RYR2: variants seen among roughly 807,000 people sequenced by gnomAD.
The protein encoded by RYR2 is cardiac muscle ryanodine receptor-calcium release channel.
In RYR2, 227 loss-of-function variants were observed where a neutral mutation model predicts 601.1. The observed-to-expected ratio is 0.38, with a 90% confidence interval of 0.34 to 0.42. The LOEUF (loss-of-function observed/expected upper bound fraction) is 0.42, where lower values mean the gene tolerates loss of function less well. Among genes scored for constraint, RYR2 ranks in the 10% least tolerant of loss-of-function variants. RYR2 has a pLI of 1.00. For synonymous variants in RYR2, 2,223 were observed against 2,175.1 expected (o/e 1.02, Z -0.61); for missense variants, 4,646 against 6,156.5 (o/e 0.75, Z 8.21).
At chr1:237,531,104 A>G (rs868222781) in intron 25 of RYR2, among the ~76,000 whole-genome samples, 24 of 152,290 alleles carry the variant, frequency 1.6e-4, no homozygotes, top group Middle Eastern at 6.8e-3. Context: ...AGGTATCCAT[A>G]TTTCTAAATG....
intron 16 of RYR2, among the ~76,000 whole-genome samples, chr1:237,460,007 G>A (rs1387754731): frequency 2.6e-5 from 4 of 152,084 alleles, no homozygotes; most frequent in Non-Finnish European, 5.9e-5. Context: ...GGGGATTTTG[G>A]GGCTTGCACA....
At chr1:237,316,597 G>A (rs1464993966) in intron 2 of RYR2, among the ~76,000 whole-genome samples, 1 of 152,148 alleles carries the variant, frequency 6.6e-6, no homozygotes, top group Admixed American at 6.5e-5. Flanking sequence ...TCAGCTGATG[G>A]CAGCACCATC....
chr1:237,273,698 C>T (rs551889187), intron 2 of RYR2, among the ~76,000 whole-genome samples: 1 of 151,504 alleles, frequency 6.6e-6, no homozygotes, highest in South Asian at 2.1e-4. Context: ...TAACTTTCAC[C>T]AGAGATAAAT....
At chr1:237,393,937 A>C (rs528406061) in intron 10 of RYR2, among the ~76,000 whole-genome samples, 1 of 152,338 alleles carries the variant, frequency 6.6e-6, no homozygotes, top group African/African-American at 2.4e-5. Flanking sequence ...AAAAACATTC[A>C]TAGGAATTTG....
chr1:237,394,939 C>T (rs1214704359), intron 10 of RYR2, among the ~76,000 whole-genome samples: 9 of 152,070 alleles, frequency 5.9e-5, no homozygotes, highest in Admixed American at 3.3e-4. Flanking sequence ...GCATGTTTTA[C>T]GTGGCTGGAG....
rs143853577 is a variant in RYR2, at chr1:237,176,242, GAA to G, written c.49-94249_49-94248del. Among the ~76,000 whole-genome samples the G allele has an allele frequency of 6.6e-4, 92 of 140,232 alleles. 1 individual carries two copies. Among genetic ancestry groups the G allele is most frequent in the African/African-American group, 2.2e-3 (85 of 38,718 alleles). The allele number at this position is 140,232 out of a possible 152,430, so 92.0% of individuals were successfully genotyped here. On this transcript the variant is annotated intron_variant, in intron 1 of 104. Coordinates refer to ENST00000366574, the MANE Select transcript of RYR2 (RefSeq NM_001035.3). ...ATAGAGCAAGACTCTGTCTCTTAAT[GAA>G]AAAAATATATATATATATATAAAAA...
Position 237,784,784 on chromosome 1 carries a change from C to T in RYR2, c.13072C>T (p.Leu4358=). Residue 4358 remains leucine, a synonymous_variant, in exon 90 of 105, where the codon CTG becomes TTG. Transcript: ENST00000366574. This position sits in a 1 kb window ranked among gnomAD's most constrained non-coding sequence, Gnocchi z 7.1. ...AGAGAGGAAACCCCTGGAAGCCGCC[C>T]TGCCCTCCGAGGATCTGACCGACTT... ...EGERKPLEAA[L]PSEDLTDLKE... The T allele has an allele frequency of 7.5e-6, 12 of 1,609,026 alleles. No individual in the cohort carries two copies. The highest frequency in any genetic ancestry group is 1.0e-5 in the Non-Finnish European group (12 of 1,176,664).
chr1:237,546,943 T>G (rs1305294927), intron 25 of RYR2, among the ~76,000 whole-genome samples: 1 of 146,946 alleles, frequency 6.8e-6, no homozygotes, highest in African/African-American at 2.5e-5. Flanking sequence ...TAGTAGTCTA[T>G]TTTTAAGAGA....
intron 80 of RYR2, among the ~76,000 whole-genome samples, chr1:237,744,686 A>T (rs1271717767): frequency 6.7e-6 from 1 of 150,342 alleles, no homozygotes; most frequent in Non-Finnish European, 1.5e-5. Context: ...TTTAGTTTGT[A>T]AGTGTAAACT....
chr1:237,118,025 C>T (rs761644237), intron 1 of RYR2, among the ~76,000 whole-genome samples: 1 of 152,184 alleles, frequency 6.6e-6, no homozygotes, highest in Non-Finnish European at 1.5e-5. Context: ...GGATTACAGG[C>T]GTGAGCCACT....
intron 1 of RYR2, among the ~76,000 whole-genome samples, chr1:237,119,962 A>G (rs1338778131): frequency 6.6e-6 from 1 of 152,210 alleles, no homozygotes; most frequent in Non-Finnish European, 1.5e-5. Flanking sequence ...TTTCTGTCCG[A>G]GAGCACAGGC....
At chr1:237,553,353 G>A (rs926712536) in intron 27 of RYR2, among the ~76,000 whole-genome samples, 1 of 151,872 alleles carries the variant, frequency 6.6e-6, no homozygotes, top group African/African-American at 2.4e-5. Context: ...AATTACCTTG[G>A]CGTCTTAGTC....
chr1:237,185,766 C>T (rs948961598), intron 1 of RYR2, among the ~76,000 whole-genome samples: 2 of 152,138 alleles, frequency 1.3e-5, no homozygotes, highest in Admixed American at 6.5e-5. Context: ...CTCTCTGGGG[C>T]CGTTAGACTT....
At chr1:237,211,106 T>C (rs1163175477) in intron 1 of RYR2, among the ~76,000 whole-genome samples, 1 of 152,186 alleles carries the variant, frequency 6.6e-6, no homozygotes, top group Non-Finnish European at 1.5e-5. Context: ...TTGGATGGCA[T>C]TACTATATGG....
chr1:237,188,781 A>G (rs746035624), intron 1 of RYR2, among the ~76,000 whole-genome samples: 2 of 152,256 alleles, frequency 1.3e-5, no homozygotes, highest in Admixed American at 6.5e-5. Context: ...GGATTCTTAG[A>G]TGACTTGATC....
chr1:237,123,662 T>G (rs898435089), intron 1 of RYR2, among the ~76,000 whole-genome samples: 2 of 136,942 alleles, frequency 1.5e-5, no homozygotes, highest in Non-Finnish European at 3.2e-5. Context: ...TTTTTTTTTT[T>G]TTTTTTTTTT....
chr1:237,112,411 GC>G (rs1349258458), intron 1 of RYR2, among the ~76,000 whole-genome samples: 1 of 152,080 alleles, frequency 6.6e-6, no homozygotes, highest in African/African-American at 2.4e-5. Context: ...ACCGTGCCCG[GC>G]CCCCTCCTCT....
chr1:237,429,015 T>G (rs181246503), intron 12 of RYR2, among the ~76,000 whole-genome samples: 36 of 147,416 alleles, frequency 2.4e-4, no homozygotes, highest in Non-Finnish European at 5.0e-4. Flanking sequence ...AATTGGACAT[T>G]CATTTTGTTC....
intron 47 of RYR2, among the ~76,000 whole-genome samples, chr1:237,642,773 T>C (rs972475715): frequency 3.3e-5 from 5 of 152,200 alleles, no homozygotes; most frequent in South Asian, 2.1e-4. Flanking sequence ...GGATACTTCA[T>C]GTCAGTCTAA....
Sources: allele counts gnomAD v4.1 joint callset (sites outside exome capture counted in the v4.1 genomes callset), GRCh38; gene constraint gnomAD v4.1.1; non-coding constraint Gnocchi (gnomAD v3.1); transcripts MANE v1.5; gene names NCBI Gene and HGNC (gene_info 2026-07-23, HGNC 2026-07-21).